Variants in RNASEH1 observed in about 807,000 individuals in gnomAD.
RNASEH1 encodes the protein ribonuclease H1, also known as ribonuclease H type II.
A neutral mutation model predicts 34.6 loss-of-function variants in RNASEH1; 27 were observed. The ratio of observed to expected loss-of-function variants is 0.78; its 90% CI spans 0.58 to 1.08. The LOEUF is 1.08. Among genes scored for constraint, RNASEH1 ranks in the 50% least tolerant of loss-of-function variants. The pLI is 0.00. For missense variants in RNASEH1, 349 were observed against 373.6 expected (o/e 0.93, Z 0.54); for synonymous variants, 162 against 138.4 (o/e 1.17, Z -1.20).
chr2:3,548,977 GAA>G, intron 5 of RNASEH1, 79 bp downstream of exon 5: 1 of 1,133,048 alleles, frequency 8.8e-7, no homozygotes, highest in East Asian at 2.4e-5. Flanking sequence ...TGTATAGGTA[GAA>G]AAAAAAAGAA....
At chr2:3,546,165 C>CTT (rs1487765438) in intron 7 of RNASEH1, among the ~76,000 whole-genome samples, 1 of 152,196 alleles carries the variant, frequency 6.6e-6, no homozygotes, top group Non-Finnish European at 1.5e-5. Context: ...CCAGGCAAAA[C>CTT]ACATGTATGT....
At chr2:3,555,013 G>A (rs1004210799) in intron 2 of RNASEH1, among the ~76,000 whole-genome samples, 2 of 152,170 alleles carry the variant, frequency 1.3e-5, no homozygotes, top group Admixed American at 6.5e-5. Flanking sequence ...ACAGTGGTCC[G>A]TTCCCAAAAC....
intron 1 of RNASEH1, 140 bp downstream of exon 1, chr2:3,557,993 G>A: frequency 6.7e-7 from 1 of 1,488,064 alleles, no homozygotes; most frequent in Non-Finnish European, 9.0e-7. Flanking sequence ...AGGAAAACGA[G>A]GCGGTCCCCC....
chr2:3,548,139 C>G, intron 6 of RNASEH1, 84 bp from the exon 7 acceptor site: 1 of 1,502,904 alleles, frequency 6.7e-7, no homozygotes, highest in Non-Finnish European at 9.2e-7. Context: ...TATAATTGAT[C>G]CCACTTGTAT....
Position 3,549,091 on chromosome 2 carries a change from A to G in RNASEH1, c.531T>C (p.Pro177=). The part of the protein sequence containing the change: ...GHPLNVGIRL[P]GRQTNQRAEI... ...CCGCTCTTTGGTTTGTCTGCCGCCCAGGAAGTCTAATGCCTACATTTCTGT... is the reference window on the plus strand; with the variant it reads ...CCGCTCTTTGGTTTGTCTGCCGCCCGGGAAGTCTAATGCCTACATTTCTGT... Residue 177 remains proline (P), a synonymous_variant, in exon 5 of 8, where the codon CCT becomes CCC. Coordinates refer to ENST00000315212, the MANE Select transcript of RNASEH1 (RefSeq NM_002936.6). The G allele has an allele frequency of 1.2e-6, 2 of 1,613,728 alleles. No homozygotes were observed. Among genetic ancestry groups the G allele is most frequent in the East Asian group, 2.2e-5 (1 of 44,872 alleles).
In RNASEH1 at chr2:3,548,708, A is replaced by G. The variant is rs1668995486; in HGVS notation, c.581T>C (p.Ile194Thr). 2 of 1,613,026 alleles carry G rather than the reference A, an allele frequency of 1.2e-6. No individual in the cohort carries two copies. Among genetic ancestry groups the G allele is most frequent in the Non-Finnish European group, 1.7e-6 (2 of 1,179,096 alleles). The change falls in exon 6 of 8, where the codon ATT becomes ACT. Residue 194 changes from isoleucine to threonine, a missense_variant. Ile to Thr is a moderately conservative substitution (Grantham distance 89, BLOSUM62 -1). Coordinates refer to ENST00000315212, the MANE Select transcript of RNASEH1 (RefSeq NM_002936.6). Reference sequence around the variant, plus strand: ...GATGTTTTGAGTCTTTGCTTGTTCAATGGCTTTGCAGGCTGCCTTGAAAAG... The same window carrying G: ...GATGTTTTGAGTCTTTGCTTGTTCAGTGGCTTTGCAGGCTGCCTTGAAAAG... ...RAEIHAACKA[I>T]EQAKTQNINK... is the part of the protein sequence containing the mutation.
the RNASEH1 span, chr2:3,532,455 G>T: frequency 1.5e-6 from 1 of 673,004 alleles, no homozygotes; most frequent in Non-Finnish European, 2.7e-6. Context: ...ACTCAGCCTC[G>T]CATCCCTTGA....
chr2:3,547,524 G>A (rs1401929757), intron 7 of RNASEH1, among the ~76,000 whole-genome samples: 3 of 148,252 alleles, frequency 2.0e-5, no homozygotes, highest in Non-Finnish European at 3.0e-5. Flanking sequence ...GTCTCATATC[G>A]TTGCTCAGGC....
intron 5 of RNASEH1, 71 bp downstream of exon 5, chr2:3,548,987 G>T: frequency 1.6e-6 from 2 of 1,221,126 alleles, no homozygotes; most frequent in South Asian, 1.3e-5. Flanking sequence ...GAAAAAAAAA[G>T]AATTAGTTTA....
chr2:3,550,312 G>A (rs927084486), intron 4 of RNASEH1, 61 bp downstream of exon 4: 51 of 1,317,278 alleles, frequency 3.9e-5, no homozygotes, highest in African/African-American at 7.3e-5. Context: ...AGCAGATCCC[G>A]CCTCATCTTT....
At chr2:3,536,997 T>TA (rs1668021943), downstream of RNASEH1, 2 of 152,214 alleles carry the variant, frequency 1.3e-5, no homozygotes, top group African/African-American at 4.8e-5. Flanking sequence ...CCCACCCTTA[T>TA]AACCTTAACC....
At chr2:3,538,077 A>T (rs1009092840), downstream of RNASEH1, among the ~76,000 whole-genome samples, 4 of 147,278 alleles carry the variant, frequency 2.7e-5, no homozygotes, top group Non-Finnish European at 6.0e-5. Context: ...GGCTGGGCAC[A>T]GTGGCTCACA....
chr2:3,552,356 C>G (rs372133256), intron 2 of RNASEH1, 48 bp from the exon 3 acceptor site: 2 of 1,554,586 alleles, frequency 1.3e-6, no homozygotes, highest in African/African-American at 2.7e-5. Context: ...GAACATAACA[C>G]GAAATGCTAG....
chr2:3,540,327 C>T (rs1450726706), downstream of RNASEH1, among the ~76,000 whole-genome samples: 1 of 151,818 alleles, frequency 6.6e-6, no homozygotes, highest in Non-Finnish European at 1.5e-5. Context: ...AAATTGCCCC[C>T]TAAAAATTTA....
intron 2 of RNASEH1, among the ~76,000 whole-genome samples, chr2:3,555,398 C>T (rs1420873900): frequency 6.6e-6 from 1 of 152,152 alleles, no homozygotes; most frequent in Admixed American, 6.6e-5. Context: ...GCCTTTTTCA[C>T]GTGTCCTCAT....
intron 7 of RNASEH1, among the ~76,000 whole-genome samples, chr2:3,546,968 C>T (rs1358286691): frequency 2.0e-5 from 3 of 152,118 alleles, no homozygotes; most frequent in African/African-American, 7.2e-5. Context: ...ACTAAAAATA[C>T]AAAAATTAGC....
chr2:3,556,800 T>C lies in RNASEH1; in HGVS notation c.233A>G (p.Glu78Gly). ...TGAGAGGTGACTACCTTCTGAAACT[T>C]CCGGGCTTGCAGATTTCCTGACAAA... Reference protein sequence around the residue: ...WAFVRKSASPEVSEGHENQHG... With the variant: ...WAFVRKSASPGVSEGHENQHG... The change falls in exon 2 of 8, where the codon GAA becomes GGA. Residue 78 changes from glutamate to glycine, a missense_variant. This residue lies in a region of RNASEH1 where 256 missense variants were observed against 240.7 expected (regional missense o/e 1.06). Coordinates refer to ENST00000315212, the MANE Select transcript of RNASEH1 (RefSeq NM_002936.6). 6.2e-7 allele frequency: 1 copy of C among 1,612,758 alleles called. No homozygotes were observed. The highest frequency in any genetic ancestry group is 1.1e-5 in the South Asian group (1 of 91,062).
the RNASEH1 span, chr2:3,532,143 G>A: frequency 6.1e-6 from 4 of 650,940 alleles, no homozygotes; most frequent in Admixed American, 4.3e-5. Context: ...GGGAAAGTCC[G>A]TGTGTCTTCC....
rs765541741 is a variant in RNASEH1, at chr2:3,558,300, C to T, written c.-40G>A. On this transcript the variant is annotated 5_prime_UTR_variant, in exon 1 of 8. Coordinates refer to ENST00000315212, the MANE Select transcript of RNASEH1 (RefSeq NM_002936.6). ...ACCGGGAAGCATTTCGACTCCCGGC[C>T]CAGCGTGGGCGCGAGCCGCCGGCGC... is the stretch of plus-strand genomic sequence containing the variant. 6.7e-7 allele frequency: 1 copy of T among 1,497,166 alleles called. No individual in the cohort carries two copies. The highest frequency in any genetic ancestry group is 1.3e-5 in the South Asian group (1 of 76,482). 92.7% of individuals were successfully genotyped at this position (1,497,166 alleles called of 1,614,324 possible).
Sources: allele counts gnomAD v4.1 joint callset (sites outside exome capture counted in the v4.1 genomes callset), GRCh38; gene constraint gnomAD v4.1.1; regional missense constraint gnomAD v4.1.1; transcripts MANE v1.5; gene names NCBI Gene and HGNC (gene_info 2026-07-23, HGNC 2026-07-21).